The following TIMP2 variants were observed in gnomAD, a reference collection of about 807,000 sequenced individuals.
The protein encoded by TIMP2 is TIMP metallopeptidase inhibitor 2.
In TIMP2, 5 loss-of-function variants were observed where a neutral mutation model predicts 24.3. The ratio of observed to expected loss-of-function variants is 0.21; its 90% CI spans 0.11 to 0.43. The LOEUF is 0.43. Ranked by LOEUF, TIMP2 falls within the 20% of genes least tolerant of loss-of-function variation. The pLI is 1.00. For missense variants in TIMP2, 221 were observed against 297.5 expected, an observed-to-expected ratio of 0.74 and a Z score of 1.89; for synonymous variants, 130 against 123.2, an observed-to-expected ratio of 1.06 and a Z score of -0.37.
At chr17:78,894,420 T>C (rs555444899) in intron 1 of TIMP2, among the ~76,000 whole-genome samples, 183 of 152,152 alleles carry the variant, frequency 1.2e-3, no homozygotes, top group African/African-American at 4.3e-3. Context: ...AGAATAGTGG[T>C]TAATATTATA....
At chr17:78,902,541 A>T (rs1039871013) in intron 1 of TIMP2, 1 of 152,468 alleles carries the variant, frequency 6.6e-6, no homozygotes, top group African/African-American at 2.4e-5. Context: ...ATCTGTGTGT[A>T]TCCATATCCT....
chr17:78,899,978 CT>C (rs2070064972), intron 1 of TIMP2: 1 of 152,184 alleles, frequency 6.6e-6, no homozygotes, highest in Non-Finnish European at 1.5e-5. Flanking sequence ...AGAGCTTACC[CT>C]TTCATATGGA....
chr17:78,884,629 C>T (rs559621789), intron 1 of TIMP2, among the ~76,000 whole-genome samples: 1 of 152,294 alleles, frequency 6.6e-6, no homozygotes, highest in East Asian at 1.9e-4. Context: ...CCCCAGACTC[C>T]CTAAGCTTGT....
At chr17:78,874,322 G>A (rs140233716) in intron 1 of TIMP2, among the ~76,000 whole-genome samples, 28 of 152,062 alleles carry the variant, frequency 1.8e-4, no homozygotes, top group African/African-American at 6.8e-4. Context: ...GTACTCACTG[G>A]TGGCTGGGGC....
intron 1 of TIMP2, chr17:78,902,754 G>C (rs544023227): frequency 7.2e-5 from 11 of 152,372 alleles, no homozygotes; most frequent in African/African-American, 2.6e-4. Context: ...TACCTCGACA[G>C]CGTCCATTAC....
chr17:78,914,632 CT>C (rs1310549103), intron 1 of TIMP2, among the ~76,000 whole-genome samples: 1 of 152,006 alleles, frequency 6.6e-6, no homozygotes, highest in African/African-American at 2.4e-5. Context: ...GTCCCCCAGG[CT>C]GGTACAACCA....
chr17:78,921,195 G>A (rs2070306350), intron 1 of TIMP2, among the ~76,000 whole-genome samples: 2 of 152,278 alleles, frequency 1.3e-5, no homozygotes, highest in South Asian at 4.1e-4. Context: ...CCTACTATCT[G>A]TCTGGTCCCT....
chr17:78,899,974 T>C (rs1197096232), intron 1 of TIMP2: 1 of 152,212 alleles, frequency 6.6e-6, no homozygotes, highest in Non-Finnish European at 1.5e-5. Context: ...AATTAGAGCT[T>C]ACCCTTTCAT....
chr17:78,902,339 C>T (rs919820004), intron 1 of TIMP2, among the ~76,000 whole-genome samples: 2 of 152,200 alleles, frequency 1.3e-5, no homozygotes, highest in Admixed American at 1.3e-4. Flanking sequence ...AACTCCTGAC[C>T]TCAGGTGATC....
intron 1 of TIMP2, among the ~76,000 whole-genome samples, chr17:78,881,911 C>G (rs1160846074): frequency 6.6e-6 from 1 of 152,224 alleles, no homozygotes; most frequent in African/African-American, 2.4e-5. Context: ...TCTCTTGTCC[C>G]TTTTGGGTGG....
At chr17:78,858,519 C>A (rs2069543422) in intron 3 of TIMP2, among the ~76,000 whole-genome samples, 1 of 151,980 alleles carries the variant, frequency 6.6e-6, no homozygotes, top group Non-Finnish European at 1.5e-5. Context: ...GTATTTCCTT[C>A]CAATATTCCA....
intron 3 of TIMP2, among the ~76,000 whole-genome samples, chr17:78,867,201 G>A (rs887022638): frequency 6.6e-6 from 1 of 152,192 alleles, no homozygotes; most frequent in Non-Finnish European, 1.5e-5. Flanking sequence ...GTTGCTGTGA[G>A]CCAAGATCAC....
chr17:78,883,137 C>T (rs1599155005), intron 1 of TIMP2, among the ~76,000 whole-genome samples: 1 of 152,258 alleles, frequency 6.6e-6, no homozygotes, highest in African/African-American at 2.4e-5. Context: ...GGTCCTCCAA[C>T]CTCCTCGGCC....
intron 3 of TIMP2, 126 bp downstream of exon 3, chr17:78,870,772 T>C: frequency 1.4e-6 from 1 of 691,672 alleles, no homozygotes; most frequent in Non-Finnish European, 2.4e-6. Context: ...CTCCGTACCC[T>C]GCCTCACTGT....
At chr17:78,893,497 G>A (rs2069950467) in intron 1 of TIMP2, among the ~76,000 whole-genome samples, 1 of 149,864 alleles carries the variant, frequency 6.7e-6, no homozygotes, top group South Asian at 2.1e-4. Flanking sequence ...AGGGGTGTGT[G>A]CGCGCAGGGG....
In TIMP2 at chr17:78,891,068, G is replaced by A. The variant is rs992804406; in HGVS notation, c.131-17149C>T. ...GAGCTGAAGGGAGCCCTCTGCCAGCGTGCCCAGTTTGGGGGTCTCTTGTCC... is the reference window on the plus strand; with the variant it reads ...GAGCTGAAGGGAGCCCTCTGCCAGCATGCCCAGTTTGGGGGTCTCTTGTCC... On this transcript the variant is annotated intron_variant, in intron 1 of 4. Coordinates refer to ENST00000262768, the MANE Select transcript of TIMP2 (RefSeq NM_003255.5). This position sits in a 1 kb window ranked among gnomAD's most constrained non-coding sequence, Gnocchi z 4.5. The A allele has an allele frequency of 1.9e-5, 29 of 1,550,862 alleles. No individual in the cohort carries two copies. Among genetic ancestry groups the A allele is most frequent in the African/African-American group, 1.2e-4 (9 of 73,020 alleles).
intron 4 of TIMP2, 70 bp downstream of exon 4, chr17:78,857,452 C>G (rs1398099212): frequency 1.3e-6 from 2 of 1,599,562 alleles, no homozygotes; most frequent in Non-Finnish European, 1.7e-6. Context: ...AGCCAGGGAT[C>G]AAAATCCCTG....
chr17:78,882,310 G>T (rs996226320), intron 1 of TIMP2, among the ~76,000 whole-genome samples: 22 of 152,270 alleles, frequency 1.4e-4, no homozygotes, highest in African/African-American at 5.1e-4. Context: ...GCCAGCTGAG[G>T]GTGTACCAGG....
rs536602510 is a variant in TIMP2, at chr17:78,896,452, C to A, written c.131-22533G>T. On this transcript the variant is annotated intron_variant, in intron 1 of 4. Coordinates refer to ENST00000262768, the MANE Select transcript of TIMP2 (RefSeq NM_003255.5). This position sits in a 1 kb window ranked among gnomAD's most constrained non-coding sequence, Gnocchi z 4.4. The stretch of plus-strand genomic sequence containing the variant: ...TTGCCAATGAAGACAGCCATGGTTC[C>A]AATCAGGGCCCTCGCTACAGCTCCC... Among the ~76,000 whole-genome samples the A allele has an allele frequency of 1.3e-3, 194 of 152,320 alleles. 1 individual carries two copies. The highest frequency in any genetic ancestry group is 2.1e-3 in the Non-Finnish European group (143 of 68,034).
Sources: allele counts gnomAD v4.1 joint callset (sites outside exome capture counted in the v4.1 genomes callset), GRCh38; gene constraint gnomAD v4.1.1; non-coding constraint Gnocchi (gnomAD v3.1); transcripts MANE v1.5; gene names NCBI Gene and HGNC (gene_info 2026-07-23, HGNC 2026-07-21).